ARHGEF12: variants seen among roughly 807,000 people sequenced by gnomAD.
The protein encoded by ARHGEF12 is KMT2A/ARHGEF12 fusion protein.
In ARHGEF12, 66 loss-of-function variants were observed where a neutral mutation model predicts 211.2. The ratio of observed to expected loss-of-function variants is 0.31; its 90% CI spans 0.26 to 0.38. The LOEUF is 0.38. ARHGEF12 is among the 10% of genes least tolerant of loss of function. ARHGEF12 has a pLI of 1.00. For synonymous variants in ARHGEF12, 592 were observed against 638.4 expected (o/e 0.93, Z 1.09); for missense variants, 1,429 against 1,869.5 (o/e 0.76, Z 4.34).
intron 30 of ARHGEF12, among the ~76,000 whole-genome samples, chr11:120,470,196 AT>A (rs1419068862): frequency 6.6e-6 from 1 of 152,228 alleles, no homozygotes; most frequent in Non-Finnish European, 1.5e-5. Context: ...TAGTGTTCAG[AT>A]TTTCATTATC....
At chr11:120,394,875 T>C (rs1042110585) in intron 1 of ARHGEF12, among the ~76,000 whole-genome samples, 1 of 151,640 alleles carries the variant, frequency 6.6e-6, no homozygotes, top group East Asian at 1.9e-4. Context: ...CTGGCCAACA[T>C]GGTGAGACCC....
In ARHGEF12 at chr11:120,379,518, A is replaced by AT. The variant is rs533283510; in HGVS notation, c.33-26588dup. 4.8e-3 allele frequency among the ~76,000 whole-genome samples: 703 copies of AT among 145,998 alleles called. 7 individuals are homozygous for AT. The highest frequency in any genetic ancestry group is 0.015 in the African/African-American group (595 of 40,244). ...ATTCAGTATTTTACCATTAAGTACGATTTTTTTTTTTTCCATACTCTATCA... is the reference window on the plus strand; with the variant it reads ...ATTCAGTATTTTACCATTAAGTACGATTTTTTTTTTTTTCCATACTCTATCA... On this transcript the variant is annotated intron_variant, in intron 1 of 40. Coordinates refer to ENST00000397843, the MANE Select transcript of ARHGEF12 (RefSeq NM_015313.3).
rs1946182425 is a variant in ARHGEF12, at chr11:120,450,648, A to G, written c.1844-864A>G. 3.3e-5 allele frequency: 5 copies of G among 152,402 alleles called. No individual in the cohort carries two copies. The South Asian group carries it at 1.0e-3, about 32-fold the overall frequency. 9.4% of individuals were successfully genotyped at this position (152,402 alleles called of 1,614,324 possible). On this transcript the variant is annotated intron_variant, in intron 21 of 40. Transcript: ENST00000397843. Reference sequence around the variant, plus strand: ...TGTGAGGGTGTAGGATGCTTTGGATATTGAACACCTGAGTGGGAGTCTTTG... The same window carrying G: ...TGTGAGGGTGTAGGATGCTTTGGATGTTGAACACCTGAGTGGGAGTCTTTG...
intron 38 of ARHGEF12, 122 bp downstream of exon 38, chr11:120,480,552 C>A: frequency 1.1e-6 from 1 of 942,326 alleles, no homozygotes; most frequent in Non-Finnish European, 1.6e-6. Context: ...CACACATGTG[C>A]AATATTTATT....
chr11:120,440,777 A>G (rs899232625), intron 13 of ARHGEF12, among the ~76,000 whole-genome samples: 2 of 152,068 alleles, frequency 1.3e-5, no homozygotes, highest in Non-Finnish European at 2.9e-5. Flanking sequence ...TATTCCTGCT[A>G]TTAGGGAGAA....
At chr11:120,384,112 A>G (rs561604248) in intron 1 of ARHGEF12, among the ~76,000 whole-genome samples, 19 of 152,210 alleles carry the variant, frequency 1.2e-4, no homozygotes, top group Non-Finnish European at 2.1e-4. Flanking sequence ...AGCCACAGTC[A>G]GTAGCCTAGT....
intron 27 of ARHGEF12, among the ~76,000 whole-genome samples, chr11:120,462,003 T>A (rs1946550633): frequency 8.8e-6 from 1 of 113,436 alleles, no homozygotes; most frequent in Non-Finnish European, 2.0e-5. Flanking sequence ...TGTTTCACTT[T>A]CCTCTTGTTC....
At chr11:120,356,044 C>G (rs1184219970) in intron 1 of ARHGEF12, among the ~76,000 whole-genome samples, 1 of 152,138 alleles carries the variant, frequency 6.6e-6, no homozygotes. Context: ...ATGGCCTAAT[C>G]CATTTTATTA....
chr11:120,353,022 A>T (rs1030967867), intron 1 of ARHGEF12, among the ~76,000 whole-genome samples: 2 of 152,208 alleles, frequency 1.3e-5, no homozygotes, highest in African/African-American at 4.8e-5. Context: ...AGAATCTAAG[A>T]GTCCAGCAAG....
At chr11:120,356,998 C>T (rs1253391209) in intron 1 of ARHGEF12, among the ~76,000 whole-genome samples, 2 of 151,774 alleles carry the variant, frequency 1.3e-5, no homozygotes, top group Non-Finnish European at 2.9e-5. Flanking sequence ...ATCTGTCTGA[C>T]TTCCCAACCT....
intron 1 of ARHGEF12, among the ~76,000 whole-genome samples, chr11:120,399,245 C>T (rs1051796705): frequency 6.6e-5 from 9 of 135,440 alleles, no homozygotes; most frequent in African/African-American, 2.5e-4. Context: ...CCCTTGAGCC[C>T]AGGAGTTCGA....
intron 3 of ARHGEF12, 87 bp from the exon 4 acceptor site, chr11:120,409,307 A>T: frequency 7.5e-7 from 1 of 1,334,628 alleles, no homozygotes. Flanking sequence ...CTTGATCATG[A>T]TTCATTCTTT....
chr11:120,442,312 C>A, intron 15 of ARHGEF12, 110 bp downstream of exon 15: 3 of 685,806 alleles, frequency 4.4e-6, no homozygotes, highest in Non-Finnish European at 6.8e-6. Context: ...CTTTCTCACA[C>A]CTGTATTATA....
intron 4 of ARHGEF12, 122 bp downstream of exon 4, chr11:120,409,572 G>T: frequency 1.0e-6 from 1 of 980,090 alleles, no homozygotes. Flanking sequence ...TGTGTCTGCT[G>T]TGCATGGCAT....
rs755148258 is a variant in ARHGEF12 at position 120,476,644 on chromosome 11, T to C, written c.3278-17T>C. 59 of 1,604,670 alleles carry C rather than the reference T, an allele frequency of 3.7e-5. No homozygotes were observed. In the East Asian group the frequency reaches 1.3e-3, roughly 36 times the overall value. On this transcript the variant is annotated splice_polypyrimidine_tract_variant and intron_variant, in intron 33 of 40. Transcript: ENST00000397843. ...CCAGGTCATAGTATTAGAGTAATCT[T>C]GTATTGTTTTTTCCAGATAACAAAG...
At chr11:120,421,078 A>T (rs1321449630) in intron 5 of ARHGEF12, among the ~76,000 whole-genome samples, 2 of 152,222 alleles carry the variant, frequency 1.3e-5, no homozygotes, top group African/African-American at 2.4e-5. Flanking sequence ...TTTAGAAATC[A>T]TGTGACTCCT....
intron 16 of ARHGEF12, among the ~76,000 whole-genome samples, chr11:120,446,171 C>A (rs1253597867): frequency 6.7e-6 from 1 of 149,796 alleles, no homozygotes; most frequent in African/African-American, 2.5e-5. Flanking sequence ...GCACTCCAGC[C>A]TGGGCAACAG....
At chr11:120,448,012 G>A in intron 19 of ARHGEF12, 106 bp downstream of exon 19, 2 of 937,486 alleles carry the variant, frequency 2.1e-6, no homozygotes, top group Non-Finnish European at 3.2e-6. Context: ...TACAAATACA[G>A]TTTGTGGTCT....
rs1364048215 is a variant in ARHGEF12 at position 120,365,245 on chromosome 11, T to G, written c.32+27970T>G. Among the ~76,000 whole-genome samples, 4 of 152,328 alleles carry G rather than the reference T, an allele frequency of 2.6e-5. 1 individual carries two copies. The South Asian group carries it at 8.3e-4, about 32-fold the overall frequency. On this transcript the variant is annotated intron_variant, in intron 1 of 40. Transcript: ENST00000397843. The stretch of plus-strand genomic sequence containing the variant: ...TTTGTTTTTAAGTGAAACCTCTGTT[T>G]AGTTTTTATTTATTTATTTGATCTT...
Sources: gnomAD v4.1 joint callset for allele counts (sites outside exome capture counted in the v4.1 genomes callset) on GRCh38, gnomAD v4.1.1 for gene constraint, MANE v1.5 for transcripts, NCBI Gene and HGNC (gene_info 2026-07-23, HGNC 2026-07-21) for gene names.